ARL17A: variants seen among roughly 807,000 people sequenced by gnomAD.
The protein encoded by ARL17A is ARF like GTPase 17A, also known as ADP-ribosylation factor-like 17-like.
intron 3 of ARL17A, among the ~76,000 whole-genome samples, chr17:46,542,277 A>G (rs2055469730): frequency 6.8e-6 from 1 of 147,206 alleles, no homozygotes; most frequent in East Asian, 2.0e-4. Flanking sequence ...TCCAGCGTCT[A>G]AAAGATTTTC....
chr17:46,526,484 A>G (rs1373365768), downstream of ARL17A, among the ~76,000 whole-genome samples: 2 of 104,002 alleles, frequency 1.9e-5, no homozygotes, highest in African/African-American at 7.4e-5. Context: ...AGGTCGTGGG[A>G]GGGCCCCTGG....
chr17:46,545,922 A>T (rs2056243757), intron 3 of ARL17A, among the ~76,000 whole-genome samples: 1 of 148,830 alleles, frequency 6.7e-6, no homozygotes. Context: ...GCTTATTCAG[A>T]CTTCTTAAAA....
At chr17:46,543,235 G>A (rs1219078026) in intron 3 of ARL17A, among the ~76,000 whole-genome samples, 1 of 150,538 alleles carries the variant, frequency 6.6e-6, no homozygotes, top group Non-Finnish European at 1.5e-5. Flanking sequence ...ACACATTTAT[G>A]TACAAAGTAA....
chr17:46,548,779 G>C (rs779500864), downstream of ARL17A: 123 of 1,611,406 alleles, frequency 7.6e-5, 3 homozygotes, highest in Middle Eastern at 7.2e-4. Flanking sequence ...CCCAAGGGAG[G>C]TGGAACAGCC....
chr17:46,534,291 C>G (rs2145341262), intron 4 of ARL17A, among the ~76,000 whole-genome samples: 1 of 142,192 alleles, frequency 7.0e-6, no homozygotes, highest in South Asian at 2.2e-4. Flanking sequence ...GGAAGGTCAG[C>G]AGATAAACAA....
chr17:46,550,897 G>T (rs1256480575), downstream of ARL17A, among the ~76,000 whole-genome samples: 2 of 147,746 alleles, frequency 1.4e-5, no homozygotes, highest in East Asian at 2.0e-4. Flanking sequence ...CCCTCACGGA[G>T]TTGTCATCAC....
Position 46,555,036 on chromosome 17 carries a change from T to TCCATA in ARL17A, c.*2319_*2320insTATGG. The TCCATA allele has an allele frequency of 1.7e-6, 1 of 585,772 alleles. No homozygotes were observed. The highest frequency in any genetic ancestry group is 2.4e-6 in the Non-Finnish European group (1 of 412,324). 36.3% of individuals were successfully genotyped at this position (585,772 alleles called of 1,614,324 possible). On this transcript the variant is annotated 3_prime_UTR_variant, in exon 4 of 4. Coordinates refer to ENST00000336125, the MANE Select transcript of ARL17A (RefSeq NM_001113738.2). ...GGTATGTGGTCTGTGGTGGTGGTTCTCCCTGTGATTATGGACTGAGATACT... is the reference window on the plus strand; with the variant it reads ...GGTATGTGGTCTGTGGTGGTGGTTCTCCATACCCTGTGATTATGGACTGAGATACT...
At chr17:46,558,258 C>G (rs1255759817) in intron 3 of ARL17A, among the ~76,000 whole-genome samples, 1 of 106,202 alleles carries the variant, frequency 9.4e-6, no homozygotes, top group Non-Finnish European at 1.8e-5. Flanking sequence ...TGGGGTTTCA[C>G]CATGTTGGTC....
chr17:46,525,537 A>C (rs2052590622), downstream of ARL17A, among the ~76,000 whole-genome samples: 1 of 111,542 alleles, frequency 9.0e-6, no homozygotes, highest in Non-Finnish European at 2.0e-5. Flanking sequence ...CAGTGAGCCG[A>C]GATGGCACCA....
At chr17:46,541,833 A>C (rs2941982) in intron 3 of ARL17A, among the ~76,000 whole-genome samples, 275 of 141,162 alleles carry the variant, frequency 1.9e-3, no homozygotes, top group Admixed American at 4.0e-3. Flanking sequence ...ATAAAAAAGA[A>C]CTCAGCATCT....
At chr17:46,526,478 C>T (rs1402685897), downstream of ARL17A, among the ~76,000 whole-genome samples, 1 of 103,358 alleles carries the variant, frequency 9.7e-6, no homozygotes, top group Non-Finnish European at 2.1e-5. Context: ...CTTCCAAGGT[C>T]GTGGGAGGGC....
chr17:46,503,167 A>C, the ARL17A span, among the ~76,000 whole-genome samples: 1 of 134,942 alleles, frequency 7.4e-6, no homozygotes, highest in Non-Finnish European at 1.6e-5. Flanking sequence ...AGCCGAGATC[A>C]TGCCACTGCA....
the ARL17A span, among the ~76,000 whole-genome samples, chr17:46,503,078 G>A: frequency 6.6e-6 from 1 of 150,630 alleles, no homozygotes; most frequent in South Asian, 2.1e-4. Flanking sequence ...CGGCAGTGGT[G>A]GGGGGCGCCT....
chr17:46,558,155 G>A (rs1466291182), intron 3 of ARL17A, among the ~76,000 whole-genome samples: 1 of 119,632 alleles, frequency 8.4e-6, no homozygotes, highest in Non-Finnish European at 1.7e-5. Flanking sequence ...CGCCTCCTGG[G>A]TTCAAGCAAG....
At chr17:46,534,677 C>T (rs1419155602) in intron 4 of ARL17A, among the ~76,000 whole-genome samples, 19 of 149,934 alleles carry the variant, frequency 1.3e-4, no homozygotes, top group South Asian at 6.3e-4. Flanking sequence ...AAACCACCAT[C>T]GTCATCATGG....
At chr17:46,543,543 A>G (rs1388680567) in intron 3 of ARL17A, among the ~76,000 whole-genome samples, 2 of 150,926 alleles carry the variant, frequency 1.3e-5, no homozygotes, top group Non-Finnish European at 2.9e-5. Flanking sequence ...TTGAGTGATG[A>G]TAGTCCTCTG....
At position 46,553,204 on chromosome 17, in the gene ARL17A, C is replaced by T; in HGVS notation, c.*4152G>A. On this transcript the variant is annotated 3_prime_UTR_variant, in exon 4 of 4. Coordinates refer to ENST00000336125, the MANE Select transcript of ARL17A (RefSeq NM_001113738.2). ...TGGTGTGGGGGCGGTATCCTAGAAC[C>T]AATCCCCCGCAAGATAGCAAGGATG... is the stretch of plus-strand genomic sequence containing the variant. 1.2e-6 allele frequency: 1 copy of T among 848,068 alleles called. No homozygotes were observed. The highest frequency in any genetic ancestry group is 1.4e-6 in the Non-Finnish European group (1 of 718,360). 52.5% of individuals were successfully genotyped at this position (848,068 alleles called of 1,614,324 possible).
At chr17:46,512,667 C>CG (rs1428414880), downstream of ARL17A, 28 of 378,772 alleles carry the variant, frequency 7.4e-5, no homozygotes, top group African/African-American at 7.2e-4. Context: ...AAAGACAGGG[C>CG]GGGGCTCACG....
chr17:46,558,866 A>G (rs1598602282), intron 3 of ARL17A: 1 of 89,548 alleles, frequency 1.1e-5, no homozygotes, highest in African/African-American at 5.2e-5. Flanking sequence ...TTTTTCAGAG[A>G]CGGGCCTCAC....
Sources: allele counts gnomAD v4.1 joint callset (sites outside exome capture counted in the v4.1 genomes callset), GRCh38; gene constraint gnomAD v4.1.1; transcripts MANE v1.5; gene names NCBI Gene and HGNC (gene_info 2026-07-23, HGNC 2026-07-21).